EPHA5: variants seen among roughly 807,000 people sequenced by gnomAD.
The protein encoded by EPHA5 is ephrin type-A receptor 5.
Under a neutral mutation model 105.0 loss-of-function variants are expected in EPHA5, and 60 were observed. The ratio of observed to expected loss-of-function variants is 0.57; its 90% CI spans 0.46 to 0.71. EPHA5 has a LOEUF of 0.71. Among genes scored for constraint, EPHA5 ranks in the 30% least tolerant of loss-of-function variants. EPHA5 has a pLI of 0.00. For missense variants in EPHA5, 1,218 were observed against 1,274.7 expected (o/e 0.96, Z 0.68); for synonymous variants, 513 against 449.1 (o/e 1.14, Z -1.80).
intron 2 of EPHA5, among the ~76,000 whole-genome samples, chr4:65,625,156 T>C: frequency 6.6e-6 from 1 of 152,132 alleles, no homozygotes; most frequent in East Asian, 1.9e-4. Context: ...TATTAAACTT[T>C]GTAGAACATA....
chr4:65,423,117 G>A (rs1578082595), intron 5 of EPHA5, among the ~76,000 whole-genome samples: 1 of 151,986 alleles, frequency 6.6e-6, no homozygotes, highest in Non-Finnish European at 1.5e-5. Context: ...CACTTTTGGA[G>A]CACACTGGTT....
rs756679349 is a variant in EPHA5, at chr4:65,669,759, C to A, written c.-17G>T. ...GCCCCGCATCTTCTCCGAGCCTCCT[C>A]CGGTGCCGCTGTCCCGAGCGGCTCA... On this transcript the variant is annotated 5_prime_UTR_variant, in exon 1 of 17. Coordinates refer to ENST00000613740, the MANE Select transcript of EPHA5 (RefSeq NM_001281766.3). The A allele has an allele frequency of 1.6e-6, 2 of 1,251,340 alleles. No homozygotes were observed. The highest frequency in any genetic ancestry group is 8.3e-5 in the Admixed American group (2 of 23,978). 77.5% of individuals were successfully genotyped at this position (1,251,340 alleles called of 1,614,324 possible).
chr4:65,496,515 T>A (rs919413963), intron 3 of EPHA5, among the ~76,000 whole-genome samples: 11 of 151,640 alleles, frequency 7.3e-5, no homozygotes, highest in Non-Finnish European at 1.5e-4. Flanking sequence ...TTACTGAGAA[T>A]GATGATTTCC....
At chr4:65,473,938 G>A (rs1729536799) in intron 5 of EPHA5, among the ~76,000 whole-genome samples, 1 of 142,770 alleles carries the variant, frequency 7.0e-6, no homozygotes, top group Admixed American at 7.1e-5. Context: ...ATAGCATATT[G>A]AGGATTAAGT....
chr4:65,325,506 T>A (rs1193723208), intron 16 of EPHA5, among the ~76,000 whole-genome samples: 1 of 151,364 alleles, frequency 6.6e-6, no homozygotes, highest in Non-Finnish European at 1.5e-5. Flanking sequence ...GGAAACATAT[T>A]TGTTTTTTAG....
chr4:65,399,956 G>A (rs1329543249), intron 8 of EPHA5, among the ~76,000 whole-genome samples: 1 of 152,066 alleles, frequency 6.6e-6, no homozygotes, highest in Non-Finnish European at 1.5e-5. Context: ...CTTTTCATCA[G>A]CCTCTGAACT....
At chr4:65,355,535 C>T (rs1723220113) in intron 11 of EPHA5, among the ~76,000 whole-genome samples, 1 of 151,518 alleles carries the variant, frequency 6.6e-6, no homozygotes, top group Admixed American at 6.6e-5. Context: ...CATCTCTGAG[C>T]CCATTTCAAC....
At chr4:65,602,362 A>T in intron 2 of EPHA5, 58 bp from the exon 3 acceptor site, 1 of 1,355,314 alleles carries the variant, frequency 7.4e-7, no homozygotes, top group Non-Finnish European at 9.8e-7. Context: ...ATAACAAGGA[A>T]CTATAGCAAA....
intron 6 of EPHA5, among the ~76,000 whole-genome samples, chr4:65,417,302 C>T (rs928630067): frequency 3.9e-5 from 6 of 152,340 alleles, no homozygotes; most frequent in African/African-American, 1.2e-4. Context: ...ATGGTGGTGT[C>T]ATTCTGAAAG....
intron 3 of EPHA5, among the ~76,000 whole-genome samples, chr4:65,576,058 GAAAAGAAAAGAAAA>G (rs1740938327): frequency 3.9e-5 from 2 of 50,814 alleles, no homozygotes; most frequent in South Asian, 7.4e-4. Flanking sequence ...AAGAAAGAAA[GAAAAGAAAAGAAAA>G]GAAAAGAAAA....
chr4:65,602,133 G>T lies in EPHA5; in HGVS notation c.418C>A (p.Leu140Ile), dbSNP rs749163457. 2.3e-5 allele frequency: 37 copies of T among 1,613,974 alleles called. 1 individual carries two copies. In the South Asian group the frequency reaches 3.6e-4, roughly 16 times the overall value. ...TTACAGGTCCCCAGTCCTCCAGGAA[G>T]GCTGTTGCAGTCCCGCAGGGTAAAT... ...LKFTLRDCNS[L>I]PGGLGTCKET... Residue 140 changes from leucine (L) to isoleucine (I), a missense_variant, in exon 3 of 17, where the codon CTT becomes ATT. Physicochemically the swap from Leu to Ile is conservative, Grantham distance 5. Transcript: ENST00000613740.
At chr4:65,426,088 G>C (rs1215155698) in intron 5 of EPHA5, among the ~76,000 whole-genome samples, 1 of 152,096 alleles carries the variant, frequency 6.6e-6, no homozygotes, top group East Asian at 1.9e-4. Context: ...AGAACAGCCA[G>C]TGTGTTATTG....
In EPHA5 at chr4:65,446,558, A is replaced by G. The variant is rs6823640; in HGVS notation, c.1403-25993T>C. ...GTAGGATAGTGTACTATGGGAACACATATGTAAAACACCTCTTCTGGACCT... is the reference window on the plus strand; with the variant it reads ...GTAGGATAGTGTACTATGGGAACACGTATGTAAAACACCTCTTCTGGACCT... On this transcript the variant is annotated intron_variant, in intron 5 of 16. Transcript: ENST00000613740. Among the ~76,000 whole-genome samples, 903 of 152,320 alleles carry G rather than the reference A, an allele frequency of 5.9e-3. 6 individuals carry two copies. The highest frequency in any genetic ancestry group is 0.021 in the African/African-American group (869 of 41,580).
chr4:65,488,883 G>A (rs971249860), intron 5 of EPHA5, among the ~76,000 whole-genome samples: 2 of 53,532 alleles, frequency 3.7e-5, no homozygotes, highest in African/African-American at 1.1e-4. Context: ...TCAGCTGCAT[G>A]CATTTTTTTT....
At chr4:65,654,816 A>G (rs1748915958) in intron 1 of EPHA5, among the ~76,000 whole-genome samples, 1 of 147,312 alleles carries the variant, frequency 6.8e-6, no homozygotes, top group Non-Finnish European at 1.5e-5. Flanking sequence ...TAGATAGGAT[A>G]TAACTATCTA....
At chr4:65,598,372 C>A (rs1477923910) in intron 3 of EPHA5, among the ~76,000 whole-genome samples, 1 of 152,066 alleles carries the variant, frequency 6.6e-6, no homozygotes, top group Non-Finnish European at 1.5e-5. Flanking sequence ...TAAAATAAAT[C>A]AACACAATGT....
chr4:65,427,440 C>G (rs79306933), intron 5 of EPHA5, among the ~76,000 whole-genome samples: 2,751 of 152,172 alleles, frequency 0.018, 90 homozygotes, highest in East Asian at 0.14. Context: ...CTCGGCCACC[C>G]AAAGTGCTGG....
intron 8 of EPHA5, among the ~76,000 whole-genome samples, chr4:65,380,772 G>C (rs1719481330): frequency 6.6e-6 from 1 of 151,730 alleles, no homozygotes; most frequent in Non-Finnish European, 1.5e-5. Context: ...AAACAGAATG[G>C]AGCTAGTGTT....
At chr4:65,557,199 T>A (rs1738535437) in intron 3 of EPHA5, among the ~76,000 whole-genome samples, 1 of 139,170 alleles carries the variant, frequency 7.2e-6, no homozygotes. Context: ...CTGTGGGTTG[T>A]GGCTGAATGT....
Sources: gnomAD v4.1 joint callset for allele counts (sites outside exome capture counted in the v4.1 genomes callset) on GRCh38, gnomAD v4.1.1 for gene constraint, MANE v1.5 for transcripts, NCBI Gene and HGNC (gene_info 2026-07-23, HGNC 2026-07-21) for gene names.